Variants in SLC4A10 observed in about 807,000 individuals in gnomAD.
SLC4A10 encodes solute carrier family 4 member 10, also known as sodium-driven chloride bicarbonate exchanger.
In SLC4A10, 42 loss-of-function variants were observed where a neutral mutation model predicts 137.7. The observed-to-expected ratio is 0.30, with a 90% CI of 0.24 to 0.39. SLC4A10 has a LOEUF of 0.39. SLC4A10 is among the 10% of genes least tolerant of loss of function. The pLI is 1.00. For missense variants in SLC4A10, 925 were observed against 1,355.0 expected, an observed-to-expected ratio of 0.68 and a Z score of 4.98; for synonymous variants, 474 against 464.1, an observed-to-expected ratio of 1.02 and a Z score of -0.27.
chr2:161,976,454 C>T (rs1365971409), intron 24 of SLC4A10, among the ~76,000 whole-genome samples: 1 of 152,024 alleles, frequency 6.6e-6, no homozygotes, highest in Non-Finnish European at 1.5e-5. Context: ...GGACCGGGAA[C>T]AAGAGGAAAT....
intron 2 of SLC4A10, among the ~76,000 whole-genome samples, chr2:161,795,096 T>C (rs1053164718): frequency 6.6e-6 from 1 of 152,246 alleles, no homozygotes; most frequent in Admixed American, 6.6e-5. Context: ...TGTTAATATA[T>C]GTCCCTGGGC....
chr2:161,957,317 C>T, intron 20 of SLC4A10, 77 bp downstream of exon 20: 1 of 1,481,272 alleles, frequency 6.8e-7, no homozygotes, highest in Non-Finnish European at 9.0e-7. Context: ...TGAATCTGAG[C>T]CATAAATTTG....
At chr2:161,975,634 A>G (rs535494060) in intron 24 of SLC4A10, among the ~76,000 whole-genome samples, 10 of 152,336 alleles carry the variant, frequency 6.6e-5, no homozygotes, top group African/African-American at 2.2e-4. Context: ...ACACATTTCC[A>G]GATTGGGCAA....
chr2:161,815,363 A>G (rs1387781857), intron 3 of SLC4A10, among the ~76,000 whole-genome samples: 1 of 152,094 alleles, frequency 6.6e-6, no homozygotes, highest in African/African-American at 2.4e-5. Flanking sequence ...CAGTGTTCCC[A>G]GCTCTTTGCT....
chr2:161,810,991 G>T (rs139832226), intron 3 of SLC4A10, among the ~76,000 whole-genome samples: 1 of 151,938 alleles, frequency 6.6e-6, no homozygotes, highest in Non-Finnish European at 1.5e-5. Flanking sequence ...AATCCGCCTG[G>T]TTCAGGGCTT....
chr2:161,757,791 T>C (rs950336152), intron 1 of SLC4A10, among the ~76,000 whole-genome samples: 12 of 152,170 alleles, frequency 7.9e-5, no homozygotes, highest in African/African-American at 2.9e-4. Context: ...TAGCTGTTTC[T>C]ATCATATGCT....
intron 15 of SLC4A10, among the ~76,000 whole-genome samples, chr2:161,923,889 A>G (rs1020916084): frequency 1.3e-5 from 2 of 152,188 alleles, no homozygotes; most frequent in South Asian, 2.1e-4. Flanking sequence ...CACTTTATAC[A>G]TAAGGAAACT....
At chr2:161,771,116 T>C (rs2051541389) in intron 2 of SLC4A10, 62 bp downstream of exon 2, 1 of 1,231,030 alleles carries the variant, frequency 8.1e-7, no homozygotes, top group Non-Finnish European at 1.2e-6. Context: ...CACAGATAAA[T>C]GTAGTTTGTC....
intron 1 of SLC4A10, chr2:161,708,887 G>A: frequency 6.8e-7 from 1 of 1,471,622 alleles, no homozygotes; most frequent in Non-Finnish European, 9.0e-7. Context: ...GCTTTTTCTA[G>A]TTCTTACTCA....
chr2:161,983,896 A>T lies in SLC4A10; in HGVS notation c.*744A>T, dbSNP rs1460822144. 2 of 152,240 alleles carry T rather than the reference A, an allele frequency of 1.3e-5. No individual in the cohort carries two copies. The highest frequency in any genetic ancestry group is 2.9e-5 in the Non-Finnish European group (2 of 68,038). 9.4% of individuals were successfully genotyped at this position (152,240 alleles called of 1,614,324 possible). A position where few individuals can be genotyped will look rare whatever the true frequency, so the allele number is the denominator to read the frequency against. On this transcript the variant is annotated 3_prime_UTR_variant, in exon 27 of 27. Transcript: ENST00000446997. Reference sequence around the variant, plus strand: ...CTTAAAATTCAAGTTGTGACTAATGATCAAATACTAGGCTTGTACGAAATG... The same window carrying T: ...CTTAAAATTCAAGTTGTGACTAATGTTCAAATACTAGGCTTGTACGAAATG...
chr2:161,715,439 C>A (rs1286766612), intron 1 of SLC4A10, among the ~76,000 whole-genome samples: 1 of 151,942 alleles, frequency 6.6e-6, no homozygotes, highest in African/African-American at 2.4e-5. Flanking sequence ...ACCTATCAAC[C>A]CATCACCTAG....
At chr2:161,688,906 T>C (rs1313055264) in intron 1 of SLC4A10, among the ~76,000 whole-genome samples, 5 of 152,196 alleles carry the variant, frequency 3.3e-5, no homozygotes, top group Non-Finnish European at 7.3e-5. Context: ...TGTTACTTAA[T>C]GGTGTCTTGG....
intron 21 of SLC4A10, among the ~76,000 whole-genome samples, chr2:161,959,723 G>A (rs1696300874): frequency 6.6e-6 from 1 of 152,194 alleles, no homozygotes; most frequent in African/African-American, 2.4e-5. Context: ...CTATTTGTTA[G>A]AGGCTATCCA....
At chr2:161,903,162 TA>T (rs1683503870) in intron 12 of SLC4A10, among the ~76,000 whole-genome samples, 1 of 152,208 alleles carries the variant, frequency 6.6e-6, no homozygotes. Flanking sequence ...ATTTCAAGCA[TA>T]ATTTCACAGT....
intron 1 of SLC4A10, among the ~76,000 whole-genome samples, chr2:161,653,853 G>A (rs998020666): frequency 2.0e-5 from 3 of 152,158 alleles, no homozygotes; most frequent in Non-Finnish European, 2.9e-5. Context: ...ATTAATATGG[G>A]AATGCAGGCA....
chr2:161,649,371 G>C (rs1341060328), intron 1 of SLC4A10, among the ~76,000 whole-genome samples: 1 of 152,104 alleles, frequency 6.6e-6, no homozygotes, highest in Non-Finnish European at 1.5e-5. Flanking sequence ...GAAAAAAATT[G>C]CTTTTGCCAA....
At chr2:161,808,427 C>T (rs1194027213) in intron 3 of SLC4A10, among the ~76,000 whole-genome samples, 2 of 152,052 alleles carry the variant, frequency 1.3e-5, no homozygotes, top group Admixed American at 6.6e-5. Flanking sequence ...GTGTCTTTCA[C>T]TTCTTTTACT....
intron 15 of SLC4A10, among the ~76,000 whole-genome samples, chr2:161,927,593 A>C (rs1335078915): frequency 6.6e-6 from 1 of 152,192 alleles, no homozygotes; most frequent in Non-Finnish European, 1.5e-5. Flanking sequence ...CAACCTACAA[A>C]ATGGGAGAAA....
chr2:161,721,693 C>A (rs558070891), intron 1 of SLC4A10, among the ~76,000 whole-genome samples: 55 of 152,194 alleles, frequency 3.6e-4, no homozygotes, highest in African/African-American at 1.3e-3. Context: ...GATTATCTTA[C>A]GGGGGTTCTC....
Sources: allele counts gnomAD v4.1 joint callset (sites outside exome capture counted in the v4.1 genomes callset), GRCh38; gene constraint gnomAD v4.1.1; transcripts MANE v1.5; gene names NCBI Gene and HGNC (gene_info 2026-07-23, HGNC 2026-07-21).